ACMSD: variants seen among roughly 807,000 people sequenced by gnomAD.
The protein encoded by ACMSD is aminocarboxymuconate semialdehyde decarboxylase.
A neutral mutation model predicts 45.9 loss-of-function variants in ACMSD; 37 were observed. That is an observed-to-expected ratio of 0.81 (90% CI 0.62 to 1.06). ACMSD has a LOEUF of 1.06. ACMSD is among the 50% of genes least tolerant of loss of function. The probability of loss-of-function intolerance (pLI) is 0.00; values close to 1 mark genes in which losing one functional copy is unlikely to be tolerated. For missense variants in ACMSD, 434 were observed against 420.9 expected, an observed-to-expected ratio of 1.03 and a Z score of -0.27; for synonymous variants, 138 against 148.8, an observed-to-expected ratio of 0.93 and a Z score of 0.53.
chr2:134,882,340 A>G (rs1689084997), intron 8 of ACMSD, among the ~76,000 whole-genome samples: 1 of 152,072 alleles, frequency 6.6e-6, no homozygotes, highest in South Asian at 2.1e-4. Context: ...TCCTGGCTCT[A>G]CTACTAGTTA....
intron 8 of ACMSD, among the ~76,000 whole-genome samples, chr2:134,878,534 C>G (rs1461630640): frequency 6.6e-6 from 1 of 152,040 alleles, no homozygotes; most frequent in Non-Finnish European, 1.5e-5. Context: ...GCCATGTTGC[C>G]CAGGCTGGTC....
chr2:134,899,871 A>G (rs1380312558), intron 9 of ACMSD, among the ~76,000 whole-genome samples: 1 of 152,194 alleles, frequency 6.6e-6, no homozygotes, highest in Non-Finnish European at 1.5e-5. Flanking sequence ...AACAATTTGT[A>G]TAGTATACTT....
In ACMSD at chr2:134,859,286, G is replaced by C. The variant is rs1275865493; in HGVS notation, c.128G>C (p.Gly43Ala). 1.2e-6 allele frequency: 2 copies of C among 1,613,868 alleles called. No homozygotes were observed. The highest frequency in any genetic ancestry group is 2.7e-5 in the African/African-American group (2 of 74,878). ...GGAGAAGCAAAGTTGTTGAAAGATGGGAAAGTCTTCAGAGTGGTGCGAGAG... is the reference window on the plus strand; with the variant it reads ...GGAGAAGCAAAGTTGTTGAAAGATGCGAAAGTCTTCAGAGTGGTGCGAGAG... ...SKGEAKLLKD[G>A]KVFRVVRENC... Residue 43 changes from glycine (G) to alanine (A), a missense_variant, in exon 3 of 10, where the codon GGG becomes GCG. Gly to Ala is a moderately conservative substitution (Grantham distance 60, BLOSUM62 0). Coordinates refer to ENST00000356140, the MANE Select transcript of ACMSD (RefSeq NM_138326.3).
Position 134,901,958 on chromosome 2 carries a change from T to G in ACMSD, c.*98T>G. 2 of 787,978 alleles carry G rather than the reference T, an allele frequency of 2.5e-6. No homozygotes were observed. The highest frequency in any genetic ancestry group is 3.9e-6 in the Non-Finnish European group (2 of 510,440). The allele number at this position is 787,978 out of a possible 1,614,324, so 48.8% of individuals were successfully genotyped here. A position where few individuals can be genotyped will look rare whatever the true frequency, so the allele number is the denominator to read the frequency against. On this transcript the variant is annotated 3_prime_UTR_variant, in exon 10 of 10. Coordinates refer to ENST00000356140, the MANE Select transcript of ACMSD (RefSeq NM_138326.3). ...CAACAAAATCCTATTTTGAACTATT[T>G]TACTCAGAAATGAATGTCCCAAATA...
intron 8 of ACMSD, among the ~76,000 whole-genome samples, chr2:134,882,651 T>G (rs1317250862): frequency 6.6e-6 from 1 of 152,254 alleles, no homozygotes; most frequent in Non-Finnish European, 1.5e-5. Flanking sequence ...GGGAACAAAC[T>G]AAATCTCTGG....
intron 1 of ACMSD, 134 bp downstream of exon 1, chr2:134,838,873 T>C: frequency 3.7e-6 from 2 of 541,894 alleles, no homozygotes; most frequent in Non-Finnish European, 6.4e-6. Flanking sequence ...CATTTGGTAG[T>C]TCTGATTTTC....
intron 4 of ACMSD, 43 bp from the exon 5 acceptor site, chr2:134,863,352 T>G: frequency 6.4e-7 from 1 of 1,566,260 alleles, no homozygotes; most frequent in Non-Finnish European, 8.8e-7. Context: ...CTAAAAGAAG[T>G]AGGTTTTCAA....
intron 5 of ACMSD, 138 bp downstream of exon 5, chr2:134,863,769 T>C: frequency 1.2e-6 from 1 of 860,460 alleles, no homozygotes; most frequent in South Asian, 1.7e-5. Flanking sequence ...TTGATGTAGG[T>C]AGAAGGTGTG....
chr2:134,840,940 A>C (rs578109045), intron 1 of ACMSD, among the ~76,000 whole-genome samples: 16 of 152,220 alleles, frequency 1.1e-4, no homozygotes, highest in South Asian at 4.2e-4. Context: ...GAGTCCCCAA[A>C]GTCCATCGTG....
intron 2 of ACMSD, among the ~76,000 whole-genome samples, chr2:134,846,094 T>C (rs1172622856): frequency 6.6e-6 from 1 of 152,184 alleles, no homozygotes; most frequent in Middle Eastern, 3.2e-3. Context: ...GAGGAAATGA[T>C]GCCCATCCCA....
rs181857322 is a variant in ACMSD at position 134,859,306 on chromosome 2, C to A, written c.148C>A (p.Arg50=). 1 of 1,613,912 alleles carries A rather than the reference C, an allele frequency of 6.2e-7. No individual in the cohort carries two copies. Among genetic ancestry groups the A allele is most frequent in the Non-Finnish European group, 8.5e-7 (1 of 1,179,938 alleles). Residue 50 remains arginine, a synonymous_variant, in exon 3 of 10, where the codon CGA becomes AGA. Transcript: ENST00000356140. ...LKDGKVFRVV[R]ENCWDPEVRI... ...AGATGGGAAAGTCTTCAGAGTGGTG[C>A]GAGAGAATTGCTGGGATCCAGAAGT...
intron 8 of ACMSD, among the ~76,000 whole-genome samples, chr2:134,881,827 A>G (rs568706027): frequency 6.6e-6 from 1 of 152,230 alleles, no homozygotes; most frequent in African/African-American, 2.4e-5. Context: ...GTCTCTACTA[A>G]AAATACAAAA....
chr2:134,899,971 T>A (rs1690406285), intron 9 of ACMSD, among the ~76,000 whole-genome samples: 1 of 151,944 alleles, frequency 6.6e-6, no homozygotes, highest in Non-Finnish European at 1.5e-5. Context: ...ACATAAAATA[T>A]CTCTGGAACA....
rs547913708 is a variant in ACMSD at position 134,878,663 on chromosome 2, T to C, written c.849+6022T>C. ...GCTGTTGCTTCTACATTCTCAGTCA[T>C]CTTTCCTTTTCCATAAAAGCCTGTG... On this transcript the variant is annotated intron_variant, in intron 8 of 9. Coordinates refer to ENST00000356140, the MANE Select transcript of ACMSD (RefSeq NM_138326.3). Among the ~76,000 whole-genome samples the C allele has an allele frequency of 5.3e-5, 8 of 152,318 alleles. No homozygotes were observed. In the South Asian group the frequency reaches 1.7e-3, roughly 32 times the overall value.
intron 8 of ACMSD, among the ~76,000 whole-genome samples, chr2:134,877,311 T>C (rs1221522536): frequency 1.3e-5 from 2 of 152,172 alleles, no homozygotes; most frequent in Admixed American, 1.3e-4. Flanking sequence ...ATGACTGTAA[T>C]TACCCCAAAA....
At chr2:134,883,509 T>C (rs1364924641) in intron 8 of ACMSD, among the ~76,000 whole-genome samples, 1 of 152,116 alleles carries the variant, frequency 6.6e-6, no homozygotes, top group African/African-American at 2.4e-5. Flanking sequence ...ATAGAAAAAG[T>C]CATTTTTTTA....
At chr2:134,866,479 A>G (rs1026459990) in intron 5 of ACMSD, among the ~76,000 whole-genome samples, 7 of 152,128 alleles carry the variant, frequency 4.6e-5, no homozygotes, top group African/African-American at 1.7e-4. Flanking sequence ...TCTCTCTTTA[A>G]AAGGCTTATA....
chr2:134,839,817 C>T (rs760855162), intron 1 of ACMSD, among the ~76,000 whole-genome samples: 1 of 152,148 alleles, frequency 6.6e-6, no homozygotes, highest in Non-Finnish European at 1.5e-5. Flanking sequence ...AAGGACTCTA[C>T]ATGTTTACAC....
intron 1 of ACMSD, among the ~76,000 whole-genome samples, chr2:134,840,166 G>GAAAAAAAAAAAAAAAAA (rs1559034706): frequency 1.7e-4 from 2 of 12,060 alleles, no homozygotes; most frequent in African/African-American, 7.4e-4. Flanking sequence ...ACTATACCTA[G>GAAAAAAAAAAAAAAAAA]CAAAAAAAAA....
Sources: allele counts gnomAD v4.1 joint callset (sites outside exome capture counted in the v4.1 genomes callset), GRCh38; gene constraint gnomAD v4.1.1; transcripts MANE v1.5; gene names NCBI Gene and HGNC (gene_info 2026-07-23, HGNC 2026-07-21).